The following KIF26B variants were observed in gnomAD, a reference collection of about 807,000 sequenced individuals.
KIF26B encodes kinesin family member 26B.
KIF26B carries 63 observed loss-of-function variants against 151.2 expected under a neutral mutation model. That is an observed-to-expected ratio of 0.42 (90% confidence interval 0.34 to 0.51). The LOEUF is 0.51. Among genes scored for constraint, KIF26B ranks in the 20% least tolerant of loss-of-function variants. The pLI is 0.07. For synonymous variants in KIF26B, 1,357 were observed against 1,262.1 expected (o/e 1.08, Z -1.59); for missense variants, 2,813 against 2,913.6 (o/e 0.97, Z 0.79).
At position 245,318,456 on chromosome 1, in the gene KIF26B, CT is replaced by C. The variant is rs1442312851; in HGVS notation, c.466-48377del. Among the ~76,000 whole-genome samples, 2 of 152,162 alleles carry C rather than the reference CT, an allele frequency of 1.3e-5. No homozygotes were observed. The highest frequency in any genetic ancestry group is 2.9e-5 in the Non-Finnish European group (2 of 68,044). On this transcript the variant is annotated intron_variant, in intron 2 of 14. Transcript: ENST00000407071. The surrounding 1 kb of genome is among the most constrained non-coding windows in gnomAD (Gnocchi z 4.0). ...TTTTCCTCTGAGGGGCTTCTTTGCC[CT>C]GAGGAATATACAAGTTGATAGGGCT...
At chr1:245,471,339 G>A (rs945304130) in intron 4 of KIF26B, among the ~76,000 whole-genome samples, 5 of 151,808 alleles carry the variant, frequency 3.3e-5, no homozygotes, top group African/African-American at 9.7e-5. Context: ...TCATCATGTC[G>A]GCCAGGCTGG....
In KIF26B at chr1:245,553,991, G is replaced by T. The variant is rs569857693; in HGVS notation, c.1350+13041G>T. On this transcript the variant is annotated intron_variant, in intron 5 of 14. Coordinates refer to ENST00000407071, the MANE Select transcript of KIF26B (RefSeq NM_018012.4). ...TGGCTTTCTTCCTTGTCTGGCCTCG[G>T]CTTTTACTTTCCTTTTTTCATGGAC... Among the ~76,000 whole-genome samples the T allele has an allele frequency of 2.0e-5, 3 of 152,262 alleles. No homozygotes were observed. In the South Asian group the frequency reaches 6.2e-4, roughly 32 times the overall value.
At chr1:245,198,755 G>C (rs1038123201) in intron 2 of KIF26B, among the ~76,000 whole-genome samples, 1 of 151,472 alleles carries the variant, frequency 6.6e-6, no homozygotes, top group Admixed American at 6.6e-5. Flanking sequence ...TGAGTGCTCA[G>C]TAAATGTTGT....
chr1:245,535,463 C>G (rs1381324095), intron 4 of KIF26B, among the ~76,000 whole-genome samples: 1 of 152,178 alleles, frequency 6.6e-6, no homozygotes, highest in Non-Finnish European at 1.5e-5. Context: ...CGGAGGCTTT[C>G]CTAAATGGAG....
chr1:245,634,012 CTATGT>C (rs2043808121), intron 9 of KIF26B, among the ~76,000 whole-genome samples: 1 of 152,276 alleles, frequency 6.6e-6, no homozygotes, highest in South Asian at 2.1e-4. Context: ...TGGGGTCTCA[CTATGT>C]TGACCAGGCT....
At chr1:245,477,083 T>C (rs1660056570) in intron 4 of KIF26B, among the ~76,000 whole-genome samples, 1 of 151,802 alleles carries the variant, frequency 6.6e-6, no homozygotes, top group African/African-American at 2.4e-5. Context: ...ATAAAGACTT[T>C]AGCAGGCTAC....
intron 4 of KIF26B, among the ~76,000 whole-genome samples, chr1:245,479,478 T>G (rs10802212): frequency 0.21 from 31,133 of 151,754 alleles, 3,912 homozygotes; most frequent in African/African-American, 0.32. Flanking sequence ...TCAGAGTTTT[T>G]TTGTTGTTGT....
chr1:245,229,501 C>T (rs1669947696), intron 2 of KIF26B, among the ~76,000 whole-genome samples: 3 of 152,174 alleles, frequency 2.0e-5, no homozygotes, highest in African/African-American at 7.2e-5. Flanking sequence ...CAGGTAAGAG[C>T]AGAGCTACGC....
At chr1:245,260,358 G>A (rs578091103) in intron 2 of KIF26B, among the ~76,000 whole-genome samples, 1 of 152,302 alleles carries the variant, frequency 6.6e-6, no homozygotes, top group South Asian at 2.1e-4. Flanking sequence ...CAGCACCCAT[G>A]GCAGGTGCTT....
intron 10 of KIF26B, among the ~76,000 whole-genome samples, chr1:245,648,177 C>T (rs771813067): frequency 3.3e-5 from 5 of 152,178 alleles, no homozygotes; most frequent in Non-Finnish European, 7.3e-5. Flanking sequence ...GATTACATAT[C>T]TTACTTATAG....
chr1:245,582,905 T>C (rs768311121), intron 5 of KIF26B, among the ~76,000 whole-genome samples: 38 of 152,092 alleles, frequency 2.5e-4, no homozygotes, highest in Non-Finnish European at 4.9e-4. Context: ...ACACGGAGCA[T>C]GAGAGTGGCC....
chr1:245,409,100 C>T (rs887007550), intron 3 of KIF26B, among the ~76,000 whole-genome samples: 1 of 152,156 alleles, frequency 6.6e-6, no homozygotes, highest in Non-Finnish European at 1.5e-5. Flanking sequence ...AAAACACCCC[C>T]CAAAACATCA....
chr1:245,533,375 A>G (rs985042816), intron 4 of KIF26B, among the ~76,000 whole-genome samples: 4 of 152,270 alleles, frequency 2.6e-5, no homozygotes, highest in Admixed American at 1.3e-4. Context: ...TATCTCACCC[A>G]TCAATTACCT....
In KIF26B at chr1:245,328,090, G is replaced by A. The variant is rs114086757; in HGVS notation, c.466-38744G>A. 9.9e-3 allele frequency among the ~76,000 whole-genome samples: 1,503 copies of A among 151,876 alleles called. 22 individuals are homozygous for A. The highest frequency in any genetic ancestry group is 0.033 in the African/African-American group (1,340 of 41,216). On this transcript the variant is annotated intron_variant, in intron 2 of 14. Coordinates refer to ENST00000407071, the MANE Select transcript of KIF26B (RefSeq NM_018012.4). The stretch of plus-strand genomic sequence containing the variant: ...TGTCAGGAGAGTGACAGGTGAGGGT[G>A]GGCAGGAGGTCTCCGAATGAACTGC...
rs754059464 is a variant in KIF26B, at chr1:245,688,197, C to G, written c.5214C>G (p.Leu1738=). 1 of 1,595,440 alleles carries G rather than the reference C, an allele frequency of 6.3e-7. No individual in the cohort carries two copies. The highest frequency in any genetic ancestry group is 1.3e-5 in the African/African-American group (1 of 74,728). The change falls in exon 12 of 15, where the codon CTC becomes CTG. Residue 1738 remains leucine, a synonymous_variant. Transcript: ENST00000407071. ...GQSKISAVSR[L]LLASPRARGP... ...CCAAGATCTCCGCCGTGAGCAGACT[C>G]CTCCTGGCCAGCCCCAGAGCGCGCG...
intron 4 of KIF26B, among the ~76,000 whole-genome samples, chr1:245,533,467 AC>A (rs36079329): frequency 1.3e-5 from 2 of 152,098 alleles, no homozygotes; most frequent in African/African-American, 4.8e-5. Flanking sequence ...ACACTTGAGC[AC>A]CCCTCAGACA....
chr1:245,155,906 C>A (rs1181678540), intron 1 of KIF26B, among the ~76,000 whole-genome samples: 1 of 152,136 alleles, frequency 6.6e-6, no homozygotes, highest in Non-Finnish European at 1.5e-5. Flanking sequence ...CCCCCTACCC[C>A]CCCCATAGGG....
At chr1:245,465,135 C>T (rs1271960918) in intron 4 of KIF26B, among the ~76,000 whole-genome samples, 6 of 54,404 alleles carry the variant, frequency 1.1e-4, no homozygotes, top group Non-Finnish European at 2.3e-4. Flanking sequence ...CCCGCCACCA[C>T]ACCCGGCTAA....
chr1:245,245,447 T>C (rs1012043819), intron 2 of KIF26B, among the ~76,000 whole-genome samples: 2 of 152,082 alleles, frequency 1.3e-5, no homozygotes, highest in Admixed American at 1.3e-4. Flanking sequence ...CAGCAGAGGG[T>C]AGGGCTTTAT....
Sources: allele counts gnomAD v4.1 joint callset (sites outside exome capture counted in the v4.1 genomes callset), GRCh38; gene constraint gnomAD v4.1.1; non-coding constraint Gnocchi (gnomAD v3.1); transcripts MANE v1.5; gene names NCBI Gene and HGNC (gene_info 2026-07-23, HGNC 2026-07-21).